The following MSRA variants were observed in gnomAD, a reference collection of about 807,000 sequenced individuals.
The protein encoded by MSRA is methionine sulfoxide reductase A, also known as mitochondrial peptide methionine sulfoxide reductase.
Under a neutral mutation model 31.3 loss-of-function variants are expected in MSRA, and 54 were observed. The observed-to-expected ratio is 1.73, with a 90% CI of 1.39 to 2.17. MSRA has a LOEUF of 2.17. MSRA is among the 30% of genes most tolerant of loss of function. The probability of loss-of-function intolerance (pLI) is 0.00; values close to 1 mark genes in which losing one functional copy is unlikely to be tolerated. For missense variants in MSRA, 507 were observed against 300.9 expected (o/e 1.69, Z -5.07); for synonymous variants, 169 against 116.5 (o/e 1.45, Z -2.90).
At chr8:10,308,396 C>G (rs1361044852) in intron 4 of MSRA, among the ~76,000 whole-genome samples, 1 of 152,220 alleles carries the variant, frequency 6.6e-6, no homozygotes, top group Non-Finnish European at 1.5e-5. Flanking sequence ...CCGGCACTCG[C>G]TGTGCGGACA....
intron 1 of MSRA, among the ~76,000 whole-genome samples, chr8:10,121,897 T>A (rs1381608734): frequency 6.6e-6 from 1 of 151,756 alleles, no homozygotes; most frequent in Non-Finnish European, 1.5e-5. Context: ...CCCAGGCTGG[T>A]CTGAAACTCT....
At chr8:10,260,546 G>T (rs534230070) in intron 3 of MSRA, among the ~76,000 whole-genome samples, 1 of 152,296 alleles carries the variant, frequency 6.6e-6, no homozygotes, top group East Asian at 1.9e-4. Flanking sequence ...AGATGGACAA[G>T]TCATTGCATA....
chr8:10,424,966 A>G (rs1276899362), intron 5 of MSRA, among the ~76,000 whole-genome samples: 2 of 152,234 alleles, frequency 1.3e-5, no homozygotes, highest in Non-Finnish European at 2.9e-5. Flanking sequence ...GTGAATCTGA[A>G]CAGTGGCGGA....
At chr8:10,338,468 G>C (rs1427995059) in intron 5 of MSRA, among the ~76,000 whole-genome samples, 3 of 152,048 alleles carry the variant, frequency 2.0e-5, no homozygotes, top group Non-Finnish European at 1.5e-5. Context: ...GTATATTTCA[G>C]AATAACTAAG....
intron 5 of MSRA, among the ~76,000 whole-genome samples, chr8:10,322,032 C>T (rs925000841): frequency 3.3e-5 from 5 of 152,016 alleles, no homozygotes; most frequent in African/African-American, 1.2e-4. Context: ...ATCCCTTTTT[C>T]GTAATGGCTT....
At chr8:10,063,561 C>G (rs532462109) in intron 1 of MSRA, among the ~76,000 whole-genome samples, 21 of 152,194 alleles carry the variant, frequency 1.4e-4, no homozygotes, top group African/African-American at 3.6e-4. Context: ...CCTCACCCCC[C>G]CAGGTGATGG....
At chr8:10,308,427 A>G (rs368041410) in intron 4 of MSRA, among the ~76,000 whole-genome samples, 11 of 151,990 alleles carry the variant, frequency 7.2e-5, no homozygotes, top group African/African-American at 1.7e-4. Flanking sequence ...CTCTCTATCC[A>G]CTTGACCACG....
chr8:10,428,457 C>G lies in MSRA; in HGVS notation c.*145C>G, dbSNP rs978853411. ...CAGATTGGGTTTACCGAAGTATAAT[C>G]TATAGGAGGCGCGATGGCAAGTTGA... On this transcript the variant is annotated 3_prime_UTR_variant, in exon 6 of 6. Transcript: ENST00000317173. 1.4e-5 allele frequency: 12 copies of G among 842,820 alleles called. No individual in the cohort carries two copies. The highest frequency in any genetic ancestry group is 1.0e-4 in the African/African-American group (6 of 58,058). 52.2% of individuals were successfully genotyped at this position (842,820 alleles called of 1,614,324 possible). A position where few individuals can be genotyped will look rare whatever the true frequency, so the allele number is the denominator to read the frequency against.
chr8:10,375,505 G>C (rs1340523989), intron 5 of MSRA, among the ~76,000 whole-genome samples: 2 of 152,202 alleles, frequency 1.3e-5, no homozygotes, highest in Non-Finnish European at 2.9e-5. Context: ...GCCTCGAGAA[G>C]AACAGGGGTA....
chr8:10,085,204 A>C (rs1055590116), intron 1 of MSRA, among the ~76,000 whole-genome samples: 1 of 152,078 alleles, frequency 6.6e-6, no homozygotes, highest in Non-Finnish European at 1.5e-5. Flanking sequence ...CAGCCCACTG[A>C]TGACTGCCAC....
At chr8:10,215,897 A>G (rs1283897465) in intron 2 of MSRA, among the ~76,000 whole-genome samples, 1 of 152,226 alleles carries the variant, frequency 6.6e-6, no homozygotes, top group Non-Finnish European at 1.5e-5. Context: ...TGTGGCGGAC[A>G]TTTCTTAAAT....
chr8:10,224,150 A>C (rs1810776208), intron 2 of MSRA, among the ~76,000 whole-genome samples: 1 of 152,224 alleles, frequency 6.6e-6, no homozygotes, highest in African/African-American at 2.4e-5. Context: ...GGCCCTTAAC[A>C]GATAGTAGCT....
chr8:10,410,682 A>C (rs886515690), intron 5 of MSRA, among the ~76,000 whole-genome samples: 1 of 152,166 alleles, frequency 6.6e-6, no homozygotes, highest in African/African-American at 2.4e-5. Flanking sequence ...ACCTCTATGC[A>C]AACATGATCT....
At chr8:10,367,772 G>A (rs1373571462) in intron 5 of MSRA, among the ~76,000 whole-genome samples, 1 of 152,252 alleles carries the variant, frequency 6.6e-6, no homozygotes, top group African/African-American at 2.4e-5. Flanking sequence ...CAGCACTGGA[G>A]CTAGTCTGAA....
chr8:10,283,836 T>TATATATATATATAC (rs1261287031), intron 3 of MSRA, among the ~76,000 whole-genome samples: 24 of 53,156 alleles, frequency 4.5e-4, no homozygotes, highest in South Asian at 2.0e-3. Context: ...TATATATATA[T>TATATATATATATAC]ACACACACAC....
intron 1 of MSRA, among the ~76,000 whole-genome samples, chr8:10,091,679 T>G (rs1030526348): frequency 1.3e-5 from 2 of 151,550 alleles, no homozygotes; most frequent in African/African-American, 4.9e-5. Context: ...CGATCTTGGC[T>G]CATTGCAACC....
intron 2 of MSRA, among the ~76,000 whole-genome samples, chr8:10,244,178 T>C (rs1048951526): frequency 6.6e-6 from 1 of 152,210 alleles, no homozygotes; most frequent in Non-Finnish European, 1.5e-5. Flanking sequence ...TATACGTAAC[T>C]TCATAAAGCC....
intron 1 of MSRA, among the ~76,000 whole-genome samples, chr8:10,080,232 C>A (rs529081812): frequency 1.3e-5 from 2 of 152,142 alleles, no homozygotes; most frequent in South Asian, 4.2e-4. Context: ...AATTATGAAT[C>A]CATATCCCTG....
intron 1 of MSRA, among the ~76,000 whole-genome samples, chr8:10,064,622 A>C (rs568437623): frequency 4.1e-4 from 62 of 152,242 alleles, no homozygotes; most frequent in Non-Finnish European, 7.9e-4. Flanking sequence ...GAGCATGTTT[A>C]TAAAATGAAT....
Sources: gnomAD v4.1 joint callset for allele counts (sites outside exome capture counted in the v4.1 genomes callset) on GRCh38, gnomAD v4.1.1 for gene constraint, MANE v1.5 for transcripts, NCBI Gene and HGNC (gene_info 2026-07-23, HGNC 2026-07-21) for gene names.